The following SLC9A6 variants were observed in gnomAD, a reference collection of about 807,000 sequenced individuals.
SLC9A6 encodes the protein solute carrier family 9 member A6.
A neutral mutation model predicts 45.3 loss-of-function variants in SLC9A6; 6 were observed. The ratio of observed to expected loss-of-function variants is 0.13; its 90% CI spans 0.07 to 0.26. The LOEUF (loss-of-function observed/expected upper bound fraction) is 0.26. SLC9A6 is among the 10% of genes least tolerant of loss of function. The probability of loss-of-function intolerance (pLI) is 1.00; values close to 1 mark genes in which losing one functional copy is unlikely to be tolerated. For missense variants in SLC9A6, 278 were observed against 503.7 expected, an observed-to-expected ratio of 0.55 and a Z score of 4.29; for synonymous variants, 191 against 187.7, an observed-to-expected ratio of 1.02 and a Z score of -0.14.
rs782286843 is a variant in SLC9A6 at position 136,046,441 on chromosome X, C to T, written c.*1717C>T. ...GTTTTACATGATGTGTGCCTCTTCA[C>T]GCAGTAAATAGTTTCTTGTTAATGT... On this transcript the variant is annotated 3_prime_UTR_variant, in exon 18 of 18. Coordinates refer to ENST00000630721, the MANE Select transcript of SLC9A6 (RefSeq NM_001379110.1). 2.7e-5 allele frequency: 3 copies of T among 112,777 alleles called. No individual in the cohort carries two copies. Among genetic ancestry groups the T allele is most frequent in the South Asian group, 3.7e-4 (1 of 2,734 alleles). 9.3% of individuals were successfully genotyped at this position (112,777 alleles called of 1,213,427 possible).
intron 14 of SLC9A6, among the ~76,000 whole-genome samples, 170 bp downstream of exon 14, chrX:136,029,145 A>G (rs2071275683): frequency 9.0e-6 from 1 of 111,349 alleles, no homozygotes. Flanking sequence ...TGGAGAGAAC[A>G]GCATGAGCAA....
chrX:135,979,932 A>C (rs1556613738), intron 1 of SLC9A6, among the ~76,000 whole-genome samples: 1 of 109,841 alleles, frequency 9.1e-6, no homozygotes, highest in Non-Finnish European at 1.9e-5. Context: ...CGCCCAGCTA[A>C]TTTTTGTATT....
At position 135,998,096 on chromosome X, in the gene SLC9A6, T is replaced by G; in HGVS notation, c.370-12T>G. 1.1e-6 allele frequency: 1 copy of G among 927,690 alleles called. No homozygotes were observed. The highest frequency in any genetic ancestry group is 1.6e-6 in the Non-Finnish European group (1 of 636,701). The allele number at this position is 927,690 out of a possible 1,213,427, so 76.5% of individuals were successfully genotyped here. A position where few individuals can be genotyped will look rare whatever the true frequency, so the allele number is the denominator to read the frequency against. ...TAGGGAATTGATCTAAAATAACTCTTTATTTTAACAGGTTACTTTTGATCC... is the reference window on the plus strand; with the variant it reads ...TAGGGAATTGATCTAAAATAACTCTGTATTTTAACAGGTTACTTTTGATCC... On this transcript the variant is annotated splice_polypyrimidine_tract_variant and intron_variant, in intron 3 of 17. Transcript: ENST00000630721.
intron 2 of SLC9A6, among the ~76,000 whole-genome samples, chrX:135,994,564 A>C (rs2089473616): frequency 9.0e-6 from 1 of 111,587 alleles, no homozygotes; most frequent in Non-Finnish European, 1.9e-5. Context: ...CTGTTGTCCT[A>C]GGGAATGTTT....
At chrX:136,011,241 T>A (rs189660449) in intron 8 of SLC9A6, among the ~76,000 whole-genome samples, 1 of 112,389 alleles carries the variant, frequency 8.9e-6, no homozygotes, top group African/African-American at 3.2e-5. Flanking sequence ...TATTTTTATT[T>A]ATTTATTTGT....
chrX:136,038,634 G>A (rs1202958954), intron 16 of SLC9A6, among the ~76,000 whole-genome samples: 1 of 110,250 alleles, frequency 9.1e-6, no homozygotes, highest in Non-Finnish European at 1.9e-5. Context: ...TTTTTTTAAT[G>A]TTAGGAAAGT....
At chrX:136,005,190 G>A (rs1556617813) in intron 7 of SLC9A6, among the ~76,000 whole-genome samples, 1 of 112,331 alleles carries the variant, frequency 8.9e-6, no homozygotes, top group Non-Finnish European at 1.9e-5. Flanking sequence ...CCTGTTTCCT[G>A]CATCTTTAGG....
chrX:136,005,692 AAAG>A (rs2089646789), intron 7 of SLC9A6, among the ~76,000 whole-genome samples: 1 of 109,194 alleles, frequency 9.2e-6, no homozygotes, highest in African/African-American at 3.3e-5. Flanking sequence ...AAAAAAAAAA[AAAG>A]AGAGAGAGCC....
upstream of SLC9A6, among the ~76,000 whole-genome samples, chrX:135,982,194 T>A (rs2089288580): frequency 9.0e-6 from 1 of 111,105 alleles, no homozygotes; most frequent in South Asian, 3.8e-4. Context: ...CCCTGGACTA[T>A]CCCTGCACTC....
intron 11 of SLC9A6, among the ~76,000 whole-genome samples, chrX:136,017,215 C>T (rs1556619386): frequency 9.1e-6 from 1 of 109,418 alleles, no homozygotes; most frequent in Admixed American, 9.8e-5. Context: ...AAAATAAAAA[C>T]CCCAACCTGG....
At chrX:136,043,050 C>T (rs1161939225) in intron 17 of SLC9A6, among the ~76,000 whole-genome samples, 1 of 111,347 alleles carries the variant, frequency 9.0e-6, no homozygotes, top group Non-Finnish European at 1.9e-5. Flanking sequence ...TAGATATTGC[C>T]CCAAACCTCA....
At chrX:136,036,787 C>T (rs2148206356) in intron 16 of SLC9A6, among the ~76,000 whole-genome samples, 1 of 113,071 alleles carries the variant, frequency 8.8e-6, no homozygotes, top group South Asian at 3.6e-4. Context: ...AAGAAATCTT[C>T]CATATCCCAA....
At chrX:135,993,281 C>T (rs1411238010) in intron 2 of SLC9A6, among the ~76,000 whole-genome samples, 3 of 110,942 alleles carry the variant, frequency 2.7e-5, no homozygotes, top group African/African-American at 6.6e-5. Flanking sequence ...GCTGTGGATT[C>T]GGGCATGGGG....
In SLC9A6 at chrX:136,030,121, T is replaced by C. The variant is rs147479371; in HGVS notation, c.1551-11T>C. ...TCAAAATCTCATTTGCTCTTTGTCT[T>C]TCTCCTTTAGGGTTGGTGTTGATTC... On this transcript the variant is annotated splice_polypyrimidine_tract_variant and intron_variant, in intron 14 of 17. Coordinates refer to ENST00000630721, the MANE Select transcript of SLC9A6 (RefSeq NM_001379110.1). 4.8e-5 allele frequency: 58 copies of C among 1,209,212 alleles called. No homozygotes were observed. In the African/African-American group the frequency reaches 6.1e-4, roughly 13 times the overall value.
chrX:136,041,411 G>A (rs1046525078), intron 17 of SLC9A6, among the ~76,000 whole-genome samples: 7 of 111,803 alleles, frequency 6.3e-5, no homozygotes, highest in South Asian at 3.7e-4. Context: ...GGGCCAGGGA[G>A]GAGCATCCTA....
Position 136,014,734 on chromosome X carries a change from C to T in SLC9A6, c.1080+1297C>T, listed in dbSNP as rs1471433708. 6.2e-5 allele frequency among the ~76,000 whole-genome samples: 7 copies of T among 112,906 alleles called. No homozygotes were observed. In the East Asian group the frequency reaches 1.7e-3, roughly 27 times the overall value. On this transcript the variant is annotated intron_variant, in intron 10 of 17. Transcript: ENST00000630721. ...GAGCTGAGATCGTGCCACTGCACTC[C>T]AGCCTGGATGACAGAGCGAGACTCT...
chrX:135,974,395 G>GGGGGCGGGGAGGAGGTGGGACCGA (rs1380462714), upstream of SLC9A6, among the ~76,000 whole-genome samples: 1 of 44,822 alleles, frequency 2.2e-5, no homozygotes, highest in East Asian at 7.9e-4. Context: ...TGAGGGCCGA[G>GGGGGCGGGGAGGAGGTGGGACCGA]GGGGCGGGGA....
chrX:136,043,999 T>TA (rs1311674381), intron 17 of SLC9A6, among the ~76,000 whole-genome samples: 2 of 111,738 alleles, frequency 1.8e-5, no homozygotes, highest in Non-Finnish European at 3.8e-5. Context: ...CACACACAGT[T>TA]ATAGCTCAAG....
upstream of SLC9A6, among the ~76,000 whole-genome samples, chrX:135,981,273 A>G (rs1409617887): frequency 9.0e-6 from 1 of 111,677 alleles, no homozygotes; most frequent in Non-Finnish European, 1.9e-5. Flanking sequence ...TTATGGCAGC[A>G]GGAAACAAAA....
Sources: gnomAD v4.1 joint callset for allele counts (sites outside exome capture counted in the v4.1 genomes callset) on GRCh38, gnomAD v4.1.1 for gene constraint, MANE v1.5 for transcripts, NCBI Gene and HGNC (gene_info 2026-07-23, HGNC 2026-07-21) for gene names.